Variants in ARHGEF38 observed in about 807,000 individuals in gnomAD.
The protein encoded by ARHGEF38 is Rho guanine nucleotide exchange factor 38.
ARHGEF38 carries 79 observed loss-of-function variants against 79.9 expected under a neutral mutation model. The ratio of observed to expected loss-of-function variants is 0.99; its 90% CI spans 0.82 to 1.19. The LOEUF (loss-of-function observed/expected upper bound fraction) is 1.19. Among genes scored for constraint, ARHGEF38 ranks in the 50% most tolerant of loss-of-function variants. The pLI is 0.00. For synonymous variants in ARHGEF38, 366 were observed against 328.3 expected (o/e 1.11, Z -1.24); for missense variants, 962 against 907.2 (o/e 1.06, Z -0.78).
intron 13 of ARHGEF38, among the ~76,000 whole-genome samples, chr4:105,671,043 A>G (rs1282689929): frequency 6.6e-6 from 1 of 152,210 alleles, no homozygotes; most frequent in African/African-American, 2.4e-5. Flanking sequence ...TTCCATTACC[A>G]AGAGAGGAAA....
intron 1 of ARHGEF38, among the ~76,000 whole-genome samples, chr4:105,578,778 T>A (rs544854643): frequency 2.1e-4 from 32 of 152,322 alleles, no homozygotes; most frequent in Middle Eastern, 6.8e-3. Context: ...TTTTTTACCA[T>A]GAATTTATAT....
chr4:105,595,113 C>T (rs749414483), intron 2 of ARHGEF38, among the ~76,000 whole-genome samples: 3 of 152,176 alleles, frequency 2.0e-5, no homozygotes, highest in Non-Finnish European at 4.4e-5. Context: ...CTAAAATTCA[C>T]ATAGTGCAAA....
At chr4:105,599,810 G>A (rs1727746959) in intron 2 of ARHGEF38, among the ~76,000 whole-genome samples, 1 of 152,170 alleles carries the variant, frequency 6.6e-6, no homozygotes, top group Admixed American at 6.5e-5. Flanking sequence ...AGGCAAGGTA[G>A]ATGATTACAT....
intron 13 of ARHGEF38, among the ~76,000 whole-genome samples, chr4:105,673,305 T>G (rs1461249824): frequency 6.6e-6 from 1 of 152,146 alleles, no homozygotes; most frequent in Non-Finnish European, 1.5e-5. Context: ...ATCTTGTCCT[T>G]GGCACTTCTC....
In ARHGEF38 at chr4:105,631,511, G is replaced by A. The variant is rs534814427; in HGVS notation, c.656+466G>A. 22 of 985,486 alleles carry A rather than the reference G, an allele frequency of 2.2e-5. No individual in the cohort carries two copies. In the South Asian group the frequency reaches 8.9e-4, roughly 40 times the overall value. 61.0% of individuals were successfully genotyped at this position (985,486 alleles called of 1,614,324 possible). On this transcript the variant is annotated intron_variant, in intron 4 of 13. Transcript: ENST00000420470. Reference sequence around the variant, plus strand: ...GATGGGTGAAGACAAGTCAGGCCTTGTTAAAGTTAGTTTCAGAACAATTAC... The same window carrying A: ...GATGGGTGAAGACAAGTCAGGCCTTATTAAAGTTAGTTTCAGAACAATTAC...
chr4:105,558,676 A>G (rs1725367803), intron 1 of ARHGEF38, among the ~76,000 whole-genome samples: 1 of 152,192 alleles, frequency 6.6e-6, no homozygotes, highest in Non-Finnish European at 1.5e-5. Context: ...GTGTCAAATA[A>G]TGTGTGAGTC....
intron 2 of ARHGEF38, among the ~76,000 whole-genome samples, chr4:105,595,417 G>A (rs778196444): frequency 5.3e-5 from 8 of 151,914 alleles, no homozygotes; most frequent in Non-Finnish European, 1.0e-4. Flanking sequence ...GGAATTTTCT[G>A]TTAAAATTTT....
chr4:105,619,775 C>G (rs1402944233), intron 3 of ARHGEF38, among the ~76,000 whole-genome samples: 1 of 152,138 alleles, frequency 6.6e-6, no homozygotes, highest in African/African-American at 2.4e-5. Flanking sequence ...CTGAGCCAAA[C>G]GTTGTAGACA....
intron 1 of ARHGEF38, among the ~76,000 whole-genome samples, chr4:105,559,009 C>A (rs1335408620): frequency 6.6e-6 from 1 of 151,056 alleles, no homozygotes; most frequent in Admixed American, 6.6e-5. Flanking sequence ...GAGAAAAGCA[C>A]CCAAGCCACA....
At chr4:105,592,702 C>T (rs1727396590) in intron 2 of ARHGEF38, among the ~76,000 whole-genome samples, 2 of 152,170 alleles carry the variant, frequency 1.3e-5, no homozygotes, top group South Asian at 4.1e-4. Context: ...AGGAGATTCT[C>T]TCACATTCTT....
chr4:105,644,198 A>C (rs1423015997), intron 5 of ARHGEF38, among the ~76,000 whole-genome samples: 2 of 152,020 alleles, frequency 1.3e-5, no homozygotes, highest in East Asian at 3.8e-4. Flanking sequence ...CAACTTTTCT[A>C]ATTTTGTTCA....
At chr4:105,651,114 G>T (rs1293157258) in intron 7 of ARHGEF38, among the ~76,000 whole-genome samples, 3 of 152,158 alleles carry the variant, frequency 2.0e-5, no homozygotes, top group Non-Finnish European at 4.4e-5. Context: ...TGAATAAGCT[G>T]TTATATTCTT....
At chr4:105,600,755 T>C (rs963485129) in intron 2 of ARHGEF38, among the ~76,000 whole-genome samples, 13 of 152,298 alleles carry the variant, frequency 8.5e-5, no homozygotes, top group African/African-American at 3.1e-4. Context: ...TCTTTAAAAC[T>C]TTCTCCCTTG....
intron 6 of ARHGEF38, among the ~76,000 whole-genome samples, chr4:105,648,082 G>T (rs766741044): frequency 1.3e-5 from 2 of 151,758 alleles, no homozygotes; most frequent in African/African-American, 2.4e-5. Flanking sequence ...TAGAGACGAG[G>T]TTTCACCATG....
At chr4:105,629,368 T>C (rs570626863) in intron 3 of ARHGEF38, among the ~76,000 whole-genome samples, 5 of 152,306 alleles carry the variant, frequency 3.3e-5, no homozygotes, top group African/African-American at 1.2e-4. Context: ...AAATTCAGAT[T>C]TATTCATCCT....
At chr4:105,627,541 T>C (rs529363466) in intron 3 of ARHGEF38, among the ~76,000 whole-genome samples, 1 of 152,052 alleles carries the variant, frequency 6.6e-6, no homozygotes, top group Non-Finnish European at 1.5e-5. Context: ...AAAGGGTGCA[T>C]TTTTTTTCTC....
chr4:105,658,574 T>A (rs2110562706), intron 9 of ARHGEF38, among the ~76,000 whole-genome samples: 1 of 152,128 alleles, frequency 6.6e-6, no homozygotes, highest in Non-Finnish European at 1.5e-5. Context: ...AAGAATAGGG[T>A]ACAGTCTCCT....
intron 1 of ARHGEF38, among the ~76,000 whole-genome samples, chr4:105,579,377 T>C (rs1163363167): frequency 3.3e-5 from 5 of 152,202 alleles, no homozygotes; most frequent in African/African-American, 1.2e-4. Flanking sequence ...TTGTCATAGA[T>C]GGCTCTTATT....
chr4:105,566,669 T>C (rs1725927796), intron 1 of ARHGEF38, among the ~76,000 whole-genome samples: 1 of 152,030 alleles, frequency 6.6e-6, no homozygotes, highest in South Asian at 2.1e-4. Context: ...TTATTATTTC[T>C]AACTATGTTT....
Sources: gnomAD v4.1 joint callset for allele counts (sites outside exome capture counted in the v4.1 genomes callset) on GRCh38, gnomAD v4.1.1 for gene constraint, MANE v1.5 for transcripts, NCBI Gene and HGNC (gene_info 2026-07-23, HGNC 2026-07-21) for gene names.